The following TRMT2B variants were observed in gnomAD, a reference collection of about 807,000 sequenced individuals.
TRMT2B encodes the protein tRNA (uracil-5-)-methyltransferase homolog B.
In TRMT2B, 34 loss-of-function variants were observed where a neutral mutation model predicts 39.7. The observed-to-expected ratio is 0.86, with a 90% CI of 0.65 to 1.14. TRMT2B has a LOEUF of 1.14. Ranked by LOEUF, TRMT2B falls within the 50% of genes most tolerant of loss-of-function variation. TRMT2B has a pLI of 0.00. For synonymous variants in TRMT2B, 132 were observed against 137.3 expected (o/e 0.96, Z 0.27); for missense variants, 318 against 377.2 (o/e 0.84, Z 1.30).
At chrX:100,988,409 A>G in the TRMT2B span, 38 of 1,202,122 alleles carry the variant, frequency 3.2e-5, no homozygotes, top group Admixed American at 1.1e-4. Context: ...TCTAAAAAGA[A>G]TATGTCAGTA....
At chrX:100,990,326 C>T in the TRMT2B span, 1 of 905,384 alleles carries the variant, frequency 1.1e-6, no homozygotes, top group African/African-American at 2.1e-5. Context: ...TCTCTTTTTA[C>T]TTTCAACAGA....
At chrX:100,974,311 G>T in the TRMT2B span, 428 of 537,582 alleles carry the variant, frequency 8.0e-4, 3 homozygotes, top group East Asian at 0.015. Flanking sequence ...CCCTCTTTTT[G>T]TGCATAAACA....
chrX:101,036,062 C>T (rs1417329016), intron 6 of TRMT2B, among the ~76,000 whole-genome samples: 1 of 111,948 alleles, frequency 8.9e-6, no homozygotes, highest in Non-Finnish European at 1.9e-5. Context: ...CCCTAACGAA[C>T]TGTAGTTTAA....
chrX:101,011,281 A>C (rs922137783), intron 13 of TRMT2B, among the ~76,000 whole-genome samples: 4 of 111,887 alleles, frequency 3.6e-5, no homozygotes, highest in Non-Finnish European at 7.5e-5. Context: ...CCTCAGCTAC[A>C]AATCTGTACA....
chrX:101,031,104 T>G lies in TRMT2B; in HGVS notation c.609+4509A>C, dbSNP rs1322544972. Among the ~76,000 whole-genome samples, 3 of 110,778 alleles carry G rather than the reference T, an allele frequency of 2.7e-5. No individual in the cohort carries two copies. In the Admixed American group the frequency reaches 2.9e-4, roughly 11 times the overall value. ...CCCCTGTCTCAGCCCTGCAAGGAGC[T>G]GGGACTACAGGTGAGTGCCACCACC... On this transcript the variant is annotated intron_variant, in intron 7 of 13. Coordinates refer to ENST00000372936, the MANE Select transcript of TRMT2B (RefSeq NM_024917.6).
chrX:100,973,500 C>A, the TRMT2B span, among the ~76,000 whole-genome samples: 1 of 110,931 alleles, frequency 9.0e-6, no homozygotes, highest in African/African-American at 3.3e-5. Context: ...GGCGGTCGGG[C>A]GGCGGCGGCT....
At chrX:100,993,762 T>C in the TRMT2B span, among the ~76,000 whole-genome samples, 1 of 111,718 alleles carries the variant, frequency 9.0e-6, no homozygotes, top group Non-Finnish European at 1.9e-5. Flanking sequence ...CCCTTAGTCA[T>C]GTAAAGAAAA....
chrX:100,988,207 C>A, the TRMT2B span: 3 of 1,205,270 alleles, frequency 2.5e-6, no homozygotes, highest in Middle Eastern at 2.3e-4. Flanking sequence ...TCCACCAGAA[C>A]AGGAATGTCA....
At chrX:101,041,221 AAAAT>A (rs1314131414) in intron 4 of TRMT2B, 92 bp downstream of exon 4, 19 of 796,161 alleles carry the variant, frequency 2.4e-5, no homozygotes, top group Non-Finnish European at 3.2e-5. Context: ...CTTAAAATTA[AAAAT>A]AAATAAATAA....
chrX:101,001,259 T>C, the TRMT2B span, among the ~76,000 whole-genome samples: 1 of 110,864 alleles, frequency 9.0e-6, no homozygotes, highest in Non-Finnish European at 1.9e-5. Flanking sequence ...TTTTTGAGAC[T>C]GGGCCACACG....
At chrX:101,011,202 A>C (rs1276140838) in intron 13 of TRMT2B, among the ~76,000 whole-genome samples, 3 of 111,619 alleles carry the variant, frequency 2.7e-5, no homozygotes, top group African/African-American at 9.8e-5. Context: ...AACATAATAG[A>C]GCATACTTAC....
chrX:101,023,302 T>C (rs2086888626), intron 8 of TRMT2B, among the ~76,000 whole-genome samples, 168 bp downstream of exon 8: 1 of 112,174 alleles, frequency 8.9e-6, no homozygotes, highest in Non-Finnish European at 1.9e-5. Context: ...TATGGTTAAA[T>C]AGTATCCTTG....
At chrX:100,976,197 C>G in the TRMT2B span, among the ~76,000 whole-genome samples, 1 of 109,652 alleles carries the variant, frequency 9.1e-6, no homozygotes, top group African/African-American at 3.3e-5. Context: ...CCTGGATTCC[C>G]TTTAGTCTCG....
At chrX:101,032,594 T>A (rs1371069279) in intron 7 of TRMT2B, among the ~76,000 whole-genome samples, 27 of 99,362 alleles carry the variant, frequency 2.7e-4, no homozygotes, top group African/African-American at 8.6e-4. Context: ...CTCAAAAAAA[T>A]AAATAAATAA....
At chrX:101,021,909 G>C in intron 9 of TRMT2B, 59 bp downstream of exon 9, 2 of 886,341 alleles carry the variant, frequency 2.3e-6, no homozygotes, top group Non-Finnish European at 3.3e-6. Context: ...CCCTGCATCA[G>C]CAATCCATAA....
intron 2 of TRMT2B, among the ~76,000 whole-genome samples, chrX:101,047,208 A>G (rs1265144019): frequency 1.7e-4 from 11 of 66,107 alleles, no homozygotes; most frequent in African/African-American, 6.4e-4. Context: ...CCCTGTCTCG[A>G]AAAAAAAAAA....
chrX:100,973,568 A>T, the TRMT2B span: 1 of 946,740 alleles, frequency 1.1e-6, no homozygotes, highest in Admixed American at 2.7e-5. Context: ...ACTTCTAACA[A>T]TCCCAGGCTT....
intron 7 of TRMT2B, among the ~76,000 whole-genome samples, chrX:101,024,043 T>C (rs1297032697): frequency 9.0e-6 from 1 of 110,653 alleles, no homozygotes; most frequent in Non-Finnish European, 1.9e-5. Flanking sequence ...ACACGAGGTT[T>C]CACCATGTTG....
intron 4 of TRMT2B, among the ~76,000 whole-genome samples, chrX:101,039,188 G>GC (rs891408380): frequency 1.8e-5 from 2 of 110,736 alleles, no homozygotes; most frequent in Admixed American, 9.7e-5. Context: ...TCCTGCCTCA[G>GC]CCCCCCGAGT....
Sources: gnomAD v4.1 joint callset for allele counts (sites outside exome capture counted in the v4.1 genomes callset) on GRCh38, gnomAD v4.1.1 for gene constraint, MANE v1.5 for transcripts, NCBI Gene and HGNC (gene_info 2026-07-23, HGNC 2026-07-21) for gene names.